Variants in NRCAM observed in about 807,000 individuals in gnomAD.
NRCAM encodes NgCAM-related cell adhesion molecule.
Under a neutral mutation model 156.5 loss-of-function variants are expected in NRCAM, and 83 were observed. The observed-to-expected ratio is 0.53, with a 90% CI of 0.44 to 0.64. The LOEUF (loss-of-function observed/expected upper bound fraction) is 0.64. Among genes scored for constraint, NRCAM ranks in the 30% least tolerant of loss-of-function variants. NRCAM has a pLI of 0.00. For synonymous variants in NRCAM, 538 were observed against 563.9 expected, an observed-to-expected ratio of 0.95 and a Z score of 0.65; for missense variants, 1,417 against 1,597.3, an observed-to-expected ratio of 0.89 and a Z score of 1.92.
intron 3 of NRCAM, among the ~76,000 whole-genome samples, chr7:108,284,705 C>T (rs1658118151): frequency 6.6e-6 from 1 of 152,162 alleles, no homozygotes; most frequent in Non-Finnish European, 1.5e-5. Flanking sequence ...TTATACGGAA[C>T]CGCAACTGTT....
At chr7:108,318,907 A>G (rs1051107410) in intron 2 of NRCAM, among the ~76,000 whole-genome samples, 2 of 152,234 alleles carry the variant, frequency 1.3e-5, no homozygotes, top group South Asian at 2.1e-4. Context: ...TCATGTTTAT[A>G]TATTTTACAA....
Position 108,181,896 on chromosome 7 carries a change from T to C in NRCAM, c.2572A>G (p.Asn858Asp), listed in dbSNP as rs758227136. 3.2e-5 allele frequency: 51 copies of C among 1,614,168 alleles called. No homozygotes were observed. The East Asian group carries it at 1.1e-3, about 34-fold the overall frequency. ...CAGTGCACCTCGGCTAAGGTACTGT[T>C]CACCACATTCACACGCACGTTCCCA... Reference protein sequence around the residue: ...APGNVRVNVVNSTLAEVHWDP... With the variant: ...APGNVRVNVVDSTLAEVHWDP... Residue 858 changes from asparagine (N) to aspartate (D), a missense_variant, in exon 24 of 33, where the codon AAC (asparagine) becomes GAC (aspartate). Coordinates refer to ENST00000379028, the MANE Select transcript of NRCAM (RefSeq NM_001037132.4).
intron 20 of NRCAM, among the ~76,000 whole-genome samples, chr7:108,184,876 C>T (rs531704253): frequency 1.5e-3 from 230 of 152,054 alleles, no homozygotes; most frequent in South Asian, 7.7e-3. Flanking sequence ...AAAATTTGAC[C>T]ACCTTTTCAT....
At chr7:108,379,673 CCAGG>C (rs1414840166) in intron 2 of NRCAM, among the ~76,000 whole-genome samples, 4 of 151,042 alleles carry the variant, frequency 2.6e-5, no homozygotes, top group Non-Finnish European at 5.9e-5. Context: ...ACAAAAGTGA[CCAGG>C]CAGATGTACA....
chr7:108,392,045 A>G, intron 2 of NRCAM, among the ~76,000 whole-genome samples: 1 of 152,014 alleles, frequency 6.6e-6, no homozygotes, highest in Non-Finnish European at 1.5e-5. Context: ...TCTGACAATT[A>G]TGTGTCTTGG....
intron 1 of NRCAM, among the ~76,000 whole-genome samples, chr7:108,422,363 C>G (rs1246753731): frequency 2.6e-5 from 4 of 151,820 alleles, no homozygotes; most frequent in Non-Finnish European, 5.9e-5. Flanking sequence ...CTATTATTAC[C>G]CCATTTTCAC....
chr7:108,205,772 A>G (rs1243014457), intron 13 of NRCAM, among the ~76,000 whole-genome samples: 2 of 152,176 alleles, frequency 1.3e-5, no homozygotes, highest in Non-Finnish European at 2.9e-5. Context: ...ATTTTTTTGT[A>G]GAAGCAGGAT....
chr7:108,265,292 C>T (rs1226364371), intron 3 of NRCAM, among the ~76,000 whole-genome samples: 2 of 152,154 alleles, frequency 1.3e-5, no homozygotes, highest in African/African-American at 4.8e-5. Flanking sequence ...ATATCCTTGC[C>T]CCTGGGGGAG....
chr7:108,225,515 A>G (rs1355624862), intron 10 of NRCAM, 130 bp downstream of exon 10: 1 of 717,864 alleles, frequency 1.4e-6, no homozygotes, highest in African/African-American at 1.8e-5. Context: ...ACATACATTT[A>G]TACTAGTGGT....
chr7:108,158,180 T>C (rs899623482), intron 32 of NRCAM, among the ~76,000 whole-genome samples: 1 of 152,058 alleles, frequency 6.6e-6, no homozygotes, highest in African/African-American at 2.4e-5. Context: ...GAGGTTTTCA[T>C]ACACCTTCAG....
intron 30 of NRCAM, among the ~76,000 whole-genome samples, chr7:108,162,004 A>T (rs1228315639): frequency 6.6e-6 from 1 of 152,222 alleles, no homozygotes; most frequent in South Asian, 2.1e-4. Flanking sequence ...GGACAATGGT[A>T]ATAGCACTGA....
At chr7:108,269,500 G>A (rs1034696087) in intron 3 of NRCAM, among the ~76,000 whole-genome samples, 1 of 152,098 alleles carries the variant, frequency 6.6e-6, no homozygotes, top group Non-Finnish European at 1.5e-5. Context: ...TCCAAGTCAC[G>A]CAGAAGGAAG....
At chr7:108,277,390 G>A (rs1225994885) in intron 3 of NRCAM, among the ~76,000 whole-genome samples, 2 of 151,948 alleles carry the variant, frequency 1.3e-5, no homozygotes. Flanking sequence ...TGTAGATTTG[G>A]TATTTTCACA....
chr7:108,188,720 A>C (rs1305393048), intron 20 of NRCAM, among the ~76,000 whole-genome samples: 1 of 135,570 alleles, frequency 7.4e-6, no homozygotes, highest in Non-Finnish European at 1.5e-5. Context: ...GCCTGGATGA[A>C]TTTGTGTTCT....
intron 3 of NRCAM, among the ~76,000 whole-genome samples, chr7:108,255,124 A>T (rs544851912): frequency 6.6e-6 from 1 of 152,210 alleles, no homozygotes; most frequent in East Asian, 1.9e-4. Context: ...GCATGGATGA[A>T]ACCTCAAAAC....
chr7:108,164,688 T>TA (rs1457256810), intron 30 of NRCAM, among the ~76,000 whole-genome samples: 1 of 152,140 alleles, frequency 6.6e-6, no homozygotes, highest in East Asian at 1.9e-4. Flanking sequence ...AGCGTAATGG[T>TA]AAACTGAGGC....
At chr7:108,180,476 A>G (rs749995167) in intron 24 of NRCAM, 49 bp from the exon 25 acceptor site, 2 of 1,444,894 alleles carry the variant, frequency 1.4e-6, no homozygotes, top group Admixed American at 3.5e-5. Flanking sequence ...AGCAAACAAG[A>G]TTCCTTATGC....
chr7:108,386,452 C>T (rs886080026), intron 2 of NRCAM, among the ~76,000 whole-genome samples: 44 of 152,246 alleles, frequency 2.9e-4, no homozygotes, highest in African/African-American at 1.0e-3. Context: ...TTGCAGACTT[C>T]CTGTTGTTGT....
At chr7:108,325,225 C>T (rs1182779163) in intron 2 of NRCAM, among the ~76,000 whole-genome samples, 1 of 152,048 alleles carries the variant, frequency 6.6e-6, no homozygotes, top group Non-Finnish European at 1.5e-5. Flanking sequence ...CTTGGATTAC[C>T]ATGGCATCTT....
Sources: gnomAD v4.1 joint callset for allele counts (sites outside exome capture counted in the v4.1 genomes callset) on GRCh38, gnomAD v4.1.1 for gene constraint, MANE v1.5 for transcripts, NCBI Gene and HGNC (gene_info 2026-07-23, HGNC 2026-07-21) for gene names.